ANO2: variants seen among roughly 807,000 people sequenced by gnomAD.
ANO2 encodes the protein anoctamin-2.
ANO2 carries 101 observed loss-of-function variants against 124.2 expected under a neutral mutation model. That is an observed-to-expected ratio of 0.81 (90% CI 0.69 to 0.96). The LOEUF (loss-of-function observed/expected upper bound fraction) is 0.96, where lower values mean the gene tolerates loss of function less well. Among genes scored for constraint, ANO2 ranks in the 40% least tolerant of loss-of-function variants. ANO2 has a pLI of 0.00. For synonymous variants in ANO2, 486 were observed against 482.5 expected (o/e 1.01, Z -0.09); for missense variants, 1,293 against 1,274.5 (o/e 1.01, Z -0.22).
chr12:5,649,533 G>A (rs937333581), intron 14 of ANO2, among the ~76,000 whole-genome samples: 21 of 152,146 alleles, frequency 1.4e-4, no homozygotes, highest in African/African-American at 5.1e-4. Context: ...CATCAAGAGG[G>A]AGTAGAGCTT....
At chr12:5,772,849 T>C (rs1952122556) in intron 10 of ANO2, among the ~76,000 whole-genome samples, 1 of 152,250 alleles carries the variant, frequency 6.6e-6, no homozygotes, top group South Asian at 2.1e-4. Context: ...AATATGGATG[T>C]TAATAGCCAC....
At chr12:5,678,603 T>C (rs10849320) in intron 14 of ANO2, among the ~76,000 whole-genome samples, 19,496 of 152,218 alleles carry the variant, frequency 0.13, 1,301 homozygotes, top group East Asian at 0.22. Context: ...GACTGAATGC[T>C]GTCTTCTGTG....
intron 4 of ANO2, among the ~76,000 whole-genome samples, chr12:5,851,458 C>T (rs368681199): frequency 7.2e-5 from 11 of 151,858 alleles, no homozygotes; most frequent in South Asian, 2.1e-4. Context: ...GAAGCCGAGG[C>T]GGGCAGATCA....
rs866257061 is a variant in ANO2, at chr12:5,686,032, T to A, written c.1546-38231A>T. On this transcript the variant is annotated intron_variant, in intron 14 of 24. Transcript: ENST00000682330. ...CTTCCCATCCTGAAAAGGATCAGCT[T>A]TGGTATCAGGCAGCAGAGACAAGCC... Among the ~76,000 whole-genome samples the A allele has an allele frequency of 2.6e-5, 4 of 152,262 alleles. No individual in the cohort carries two copies. In the Middle Eastern group the frequency reaches 0.014, roughly 518 times the overall value.
intron 10 of ANO2, among the ~76,000 whole-genome samples, chr12:5,782,491 G>C (rs1952428444): frequency 1.3e-5 from 2 of 152,144 alleles, no homozygotes; most frequent in Middle Eastern, 3.4e-3. Context: ...TTTTGCACTT[G>C]TTCAGAGCCA....
intron 3 of ANO2, among the ~76,000 whole-genome samples, chr12:5,855,689 C>T (rs1407733097): frequency 6.6e-6 from 1 of 152,228 alleles, no homozygotes; most frequent in Non-Finnish European, 1.5e-5. Context: ...ATATTTGCAA[C>T]TATGCTGTAA....
At chr12:5,902,979 T>C (rs1940419904) in intron 3 of ANO2, among the ~76,000 whole-genome samples, 1 of 150,210 alleles carries the variant, frequency 6.7e-6, no homozygotes. Flanking sequence ...TCTATGATTT[T>C]AGCTGAGTCT....
intron 14 of ANO2, among the ~76,000 whole-genome samples, chr12:5,703,492 T>A (rs1341117090): frequency 6.6e-6 from 1 of 152,196 alleles, no homozygotes; most frequent in African/African-American, 2.4e-5. Flanking sequence ...AAATGTATTT[T>A]ATGGGCAAAG....
At chr12:5,567,147 C>A (rs2136822370) in intron 23 of ANO2, among the ~76,000 whole-genome samples, 1 of 152,312 alleles carries the variant, frequency 6.6e-6, no homozygotes, top group Non-Finnish European at 1.5e-5. Context: ...CCAGGAGCTA[C>A]CCTCTCCCTG....
At chr12:5,655,064 G>GC (rs1163402738) in intron 14 of ANO2, among the ~76,000 whole-genome samples, 2 of 151,914 alleles carry the variant, frequency 1.3e-5, no homozygotes, top group Non-Finnish European at 2.9e-5. Context: ...TGTCCAAATT[G>GC]CCCCTCTCTC....
At chr12:5,641,586 G>A (rs770170839) in intron 15 of ANO2, among the ~76,000 whole-genome samples, 6 of 152,202 alleles carry the variant, frequency 3.9e-5, no homozygotes, top group Non-Finnish European at 7.3e-5. Context: ...GGACGAGCTT[G>A]AGCACCTGAC....
At chr12:5,785,241 T>G (rs1407266010) in intron 10 of ANO2, among the ~76,000 whole-genome samples, 1 of 151,880 alleles carries the variant, frequency 6.6e-6, no homozygotes, top group African/African-American at 2.4e-5. Flanking sequence ...GGGTGAAGAC[T>G]TAGGATTATT....
intron 12 of ANO2, 129 bp from the exon 13 acceptor site, chr12:5,739,528 C>A (rs2137076409): frequency 3.2e-6 from 2 of 624,048 alleles, no homozygotes; most frequent in Non-Finnish European, 5.4e-6. Context: ...ATGCATTTAG[C>A]CTCTTTTTCC....
At chr12:5,869,725 C>T (rs1018080117) in intron 3 of ANO2, among the ~76,000 whole-genome samples, 30 of 152,118 alleles carry the variant, frequency 2.0e-4, no homozygotes, top group African/African-American at 6.8e-4. Flanking sequence ...GCGGATGTGT[C>T]CCTCATGTGA....
chr12:5,662,693 G>A (rs1947508713), intron 14 of ANO2, among the ~76,000 whole-genome samples: 1 of 152,266 alleles, frequency 6.6e-6, no homozygotes, highest in Non-Finnish European at 1.5e-5. Context: ...AAAAAAAGAC[G>A]CTGCAATTGG....
At chr12:5,745,784 T>C (rs534786306) in intron 11 of ANO2, among the ~76,000 whole-genome samples, 1 of 152,282 alleles carries the variant, frequency 6.6e-6, no homozygotes, top group East Asian at 1.9e-4. Flanking sequence ...TAAAAATGAC[T>C]CATCCACGTC....
chr12:5,793,065 A>G (rs1296296343), intron 10 of ANO2, among the ~76,000 whole-genome samples: 4 of 152,184 alleles, frequency 2.6e-5, no homozygotes, highest in Non-Finnish European at 5.9e-5. Flanking sequence ...GTGGGAAAGA[A>G]AGCTTAGGTA....
intron 1 of ANO2, among the ~76,000 whole-genome samples, chr12:5,931,380 AC>A (rs1398248000): frequency 6.6e-6 from 1 of 152,110 alleles, no homozygotes; most frequent in Non-Finnish European, 1.5e-5. Context: ...TTCATTGCAG[AC>A]CCATTTAACT....
At chr12:5,712,464 G>A (rs1415815334) in intron 14 of ANO2, among the ~76,000 whole-genome samples, 1 of 152,134 alleles carries the variant, frequency 6.6e-6, no homozygotes, top group East Asian at 1.9e-4. Context: ...GAGTGGTTTA[G>A]CCACAATTTA....
Sources: gnomAD v4.1 joint callset for allele counts (sites outside exome capture counted in the v4.1 genomes callset) on GRCh38, gnomAD v4.1.1 for gene constraint, MANE v1.5 for transcripts, NCBI Gene and HGNC (gene_info 2026-07-23, HGNC 2026-07-21) for gene names.